The following ECT2L variants were observed in gnomAD, a reference collection of about 807,000 sequenced individuals.
ECT2L encodes epithelial cell transforming 2 like.
In ECT2L, 126 loss-of-function variants were observed where a neutral mutation model predicts 122.8. The observed-to-expected ratio is 1.03, with a 90% confidence interval of 0.89 to 1.19. The LOEUF (loss-of-function observed/expected upper bound fraction) is 1.19. Ranked by LOEUF, ECT2L falls within the 50% of genes most tolerant of loss-of-function variation. ECT2L has a pLI of 0.00. For missense variants in ECT2L, 1,012 were observed against 1,064.1 expected, an observed-to-expected ratio of 0.95 and a Z score of 0.68; for synonymous variants, 385 against 381.8, an observed-to-expected ratio of 1.01 and a Z score of -0.10.
At position 138,823,635 on chromosome 6, in the gene ECT2L, T is replaced by G. The variant is rs1258458308; in HGVS notation, c.179+9032T>G. On this transcript the variant is annotated intron_variant, in intron 4 of 21. Transcript: ENST00000541398. ...AGAAAGCATTGCACTCTTTCACAGCTGCCTCAACCCAATCCTTTATGTTTT... is the reference window on the plus strand; with the variant it reads ...AGAAAGCATTGCACTCTTTCACAGCGGCCTCAACCCAATCCTTTATGTTTT... 19 of 1,418,898 alleles carry G rather than the reference T, an allele frequency of 1.3e-5. 3 individuals are homozygous for G. The highest frequency in any genetic ancestry group is 1.7e-5 in the Non-Finnish European group (18 of 1,049,048). The allele number at this position is 1,418,898 out of a possible 1,614,324, so 87.9% of individuals were successfully genotyped here.
intron 18 of ECT2L, among the ~76,000 whole-genome samples, 156 bp from the exon 19 acceptor site, chr6:138,886,701 A>T (rs1778834055): frequency 6.6e-6 from 1 of 152,206 alleles, no homozygotes; most frequent in African/African-American, 2.4e-5. Context: ...TACAGACGAA[A>T]GTCACTACAC....
At chr6:138,849,957 A>G (rs1156275753) in intron 9 of ECT2L, among the ~76,000 whole-genome samples, 2 of 151,944 alleles carry the variant, frequency 1.3e-5, no homozygotes, top group Non-Finnish European at 2.9e-5. Flanking sequence ...GTTTGTTCAC[A>G]TTGTTGTGAA....
chr6:138,856,236 G>A (rs1202688108), intron 10 of ECT2L, among the ~76,000 whole-genome samples: 1 of 151,952 alleles, frequency 6.6e-6, no homozygotes, highest in Non-Finnish European at 1.5e-5. Context: ...CCCACCGCCC[G>A]AGATGTCTCG....
intron 20 of ECT2L, among the ~76,000 whole-genome samples, chr6:138,896,621 T>C (rs917433932): frequency 3.3e-5 from 5 of 152,152 alleles, no homozygotes; most frequent in Non-Finnish European, 5.9e-5. Flanking sequence ...GATGACCTGC[T>C]GTTGTCCATG....
chr6:138,893,783 A>T (rs1386113981), intron 20 of ECT2L, among the ~76,000 whole-genome samples: 1 of 152,014 alleles, frequency 6.6e-6, no homozygotes, highest in Non-Finnish European at 1.5e-5. Flanking sequence ...TAGAGGCAAA[A>T]CTCACACCAT....
At chr6:138,869,975 T>TA (rs1778190773) in intron 13 of ECT2L, among the ~76,000 whole-genome samples, 1 of 152,146 alleles carries the variant, frequency 6.6e-6, no homozygotes, top group Admixed American at 6.5e-5. Context: ...CAAGAGTACA[T>TA]ATGGTAACTG....
In ECT2L at chr6:138,902,846, C is replaced by G; in HGVS notation, c.*219C>G. On this transcript the variant is annotated 3_prime_UTR_variant, in exon 22 of 22. Transcript: ENST00000541398. ...ATTTTGAGTCCAAAATTTTGAACTA[C>G]TTCTTTTGGTAGCTGTATTTCATGG... is the stretch of plus-strand genomic sequence containing the variant. 2.2e-6 allele frequency: 1 copy of G among 463,062 alleles called. No individual in the cohort carries two copies. Among genetic ancestry groups the G allele is most frequent in the Non-Finnish European group, 3.8e-6 (1 of 263,584 alleles). The allele number at this position is 463,062 out of a possible 1,614,324, so 28.7% of individuals were successfully genotyped here.
intron 4 of ECT2L, among the ~76,000 whole-genome samples, chr6:138,822,450 G>A (rs1432412285): frequency 6.6e-6 from 1 of 152,164 alleles, no homozygotes; most frequent in Non-Finnish European, 1.5e-5. Context: ...AGCTACTTAG[G>A]AGGCTGACGC....
intron 1 of ECT2L, among the ~76,000 whole-genome samples, chr6:138,797,540 ATCATTG>A (rs1370580819): frequency 4.6e-5 from 7 of 152,150 alleles, no homozygotes; most frequent in African/African-American, 1.7e-4. Flanking sequence ...GTTAATTGAC[ATCATTG>A]CTCTTCTGTG....
At chr6:138,902,303 CTG>C (rs1277868460) in intron 21 of ECT2L, among the ~76,000 whole-genome samples, 195 bp from the exon 22 acceptor site, 2 of 152,170 alleles carry the variant, frequency 1.3e-5, no homozygotes, top group African/African-American at 2.4e-5. Flanking sequence ...ATTACAATAA[CTG>C]TAATATAAAG....
intron 4 of ECT2L, among the ~76,000 whole-genome samples, chr6:138,835,073 G>T (rs1776784282): frequency 6.6e-6 from 1 of 152,066 alleles, no homozygotes; most frequent in African/African-American, 2.4e-5. Flanking sequence ...AAGGCCAGGG[G>T]AGGAAGAACA....
chr6:138,825,991 G>A (rs1191100047), intron 4 of ECT2L, among the ~76,000 whole-genome samples: 1 of 152,146 alleles, frequency 6.6e-6, no homozygotes, highest in Non-Finnish European at 1.5e-5. Context: ...ATGCATTACA[G>A]TCAATCCAGA....
intron 5 of ECT2L, among the ~76,000 whole-genome samples, chr6:138,842,470 AC>A (rs1562468600): frequency 6.7e-6 from 1 of 149,896 alleles, no homozygotes; most frequent in African/African-American, 2.5e-5. Flanking sequence ...CAAAAAAAAA[AC>A]ATAGAAATAA....
intron 13 of ECT2L, among the ~76,000 whole-genome samples, chr6:138,873,788 T>C (rs1778338453): frequency 1.3e-5 from 2 of 151,680 alleles, no homozygotes; most frequent in Admixed American, 1.3e-4. Context: ...GAGCAAGACT[T>C]TGTCTCAAAA....
At chr6:138,800,127 T>G (rs1274060793) in intron 1 of ECT2L, among the ~76,000 whole-genome samples, 1 of 152,164 alleles carries the variant, frequency 6.6e-6, no homozygotes, top group East Asian at 1.9e-4. Context: ...GCAACAGACT[T>G]TAGAAGCATT....
chr6:138,853,835 G>A (rs1777528053), intron 9 of ECT2L, among the ~76,000 whole-genome samples, 191 bp from the exon 10 acceptor site: 1 of 152,162 alleles, frequency 6.6e-6, no homozygotes, highest in African/African-American at 2.4e-5. Context: ...AATTTACCCA[G>A]GATGTGAAGG....
intron 5 of ECT2L, among the ~76,000 whole-genome samples, chr6:138,840,911 C>T (rs1777016894): frequency 6.6e-6 from 1 of 152,098 alleles, no homozygotes; most frequent in African/African-American, 2.4e-5. Context: ...AAAGATTCAC[C>T]ACGTCTCATA....
chr6:138,802,483 A>G (rs1775576082), intron 1 of ECT2L, among the ~76,000 whole-genome samples: 1 of 152,230 alleles, frequency 6.6e-6, no homozygotes, highest in East Asian at 1.9e-4. Flanking sequence ...TATAACAATG[A>G]ACAAGGGAAA....
intron 13 of ECT2L, among the ~76,000 whole-genome samples, chr6:138,872,131 C>G (rs117666518): frequency 6.6e-6 from 1 of 152,132 alleles, no homozygotes; most frequent in Non-Finnish European, 1.5e-5. Flanking sequence ...TGAGCCACCA[C>G]GCCTGGCCAT....
Sources: gnomAD v4.1 joint callset for allele counts (sites outside exome capture counted in the v4.1 genomes callset) on GRCh38, gnomAD v4.1.1 for gene constraint, MANE v1.5 for transcripts, NCBI Gene and HGNC (gene_info 2026-07-23, HGNC 2026-07-21) for gene names.